The following NKAIN1 variants were observed in gnomAD, a reference collection of about 807,000 sequenced individuals.
NKAIN1 encodes sodium/potassium transporting ATPase interacting 1, also known as sodium/potassium-transporting ATPase subunit beta-1-interacting protein 1.
A neutral mutation model predicts 31.6 loss-of-function variants in NKAIN1; 13 were observed. The observed-to-expected ratio is 0.41, with a 90% CI of 0.27 to 0.65. NKAIN1 has a LOEUF of 0.65. Ranked by LOEUF, NKAIN1 falls within the 30% of genes least tolerant of loss-of-function variation. The pLI is 0.30. For missense variants in NKAIN1, 193 were observed against 262.2 expected (o/e 0.74, Z 1.82); for synonymous variants, 104 against 109.0 (o/e 0.95, Z 0.28).
intron 2 of NKAIN1, among the ~76,000 whole-genome samples, chr1:31,187,134 T>A (rs1183125525): frequency 6.6e-6 from 1 of 152,226 alleles, no homozygotes; most frequent in Non-Finnish European, 1.5e-5. Context: ...TTCTGGGAAC[T>A]GAGCCTGTGG....
At chr1:31,196,661 A>T (rs893951224) in intron 1 of NKAIN1, among the ~76,000 whole-genome samples, 7 of 151,986 alleles carry the variant, frequency 4.6e-5, no homozygotes, top group Non-Finnish European at 8.8e-5. Context: ...ACACCACTGC[A>T]CTCCAGCCTG....
At chr1:31,195,517 A>G (rs1570456188) in intron 1 of NKAIN1, among the ~76,000 whole-genome samples, 1 of 151,916 alleles carries the variant, frequency 6.6e-6, no homozygotes, top group South Asian at 2.1e-4. Context: ...CTGTCTTCTC[A>G]GGAGCCCACA....
intron 1 of NKAIN1, among the ~76,000 whole-genome samples, chr1:31,216,566 C>T (rs141314403): frequency 1.6e-3 from 241 of 152,274 alleles, no homozygotes; most frequent in African/African-American, 5.6e-3. Context: ...GGTCCCCTGG[C>T]TCATGTCCAT....
At chr1:31,189,924 A>G (rs1156534030) in intron 1 of NKAIN1, among the ~76,000 whole-genome samples, 7 of 152,190 alleles carry the variant, frequency 4.6e-5, no homozygotes, top group Non-Finnish European at 8.8e-5. Context: ...AGAAAGCCAT[A>G]GCTAAGGTAC....
rs559860134 is a variant in NKAIN1, at chr1:31,216,804, C to T, written c.54+22690G>A. On this transcript the variant is annotated intron_variant, in intron 1 of 6. Coordinates refer to ENST00000373736, the MANE Select transcript of NKAIN1 (RefSeq NM_024522.3). ...CACCTCCGGGGTTCAAGTGATTCTC[C>T]TGCCTCAGCCTCCCGAGTAGCTGGG... 5.9e-5 allele frequency among the ~76,000 whole-genome samples: 9 copies of T among 152,154 alleles called. No homozygotes were observed. In the East Asian group the frequency reaches 1.7e-3, roughly 29 times the overall value.
chr1:31,235,055 A>C (rs1426529478), intron 1 of NKAIN1, among the ~76,000 whole-genome samples: 1 of 152,224 alleles, frequency 6.6e-6, no homozygotes, highest in Non-Finnish European at 1.5e-5. Context: ...TGCACCAGGC[A>C]CTTTGCCAAG....
chr1:31,198,861 G>C (rs1238906779), intron 1 of NKAIN1, among the ~76,000 whole-genome samples: 1 of 152,114 alleles, frequency 6.6e-6, no homozygotes, highest in Non-Finnish European at 1.5e-5. Context: ...CCAACCCCAG[G>C]AGCCCACACA....
chr1:31,202,761 G>A (rs1415349168), intron 1 of NKAIN1, among the ~76,000 whole-genome samples: 5 of 145,642 alleles, frequency 3.4e-5, no homozygotes, highest in East Asian at 2.0e-4. Context: ...GGCGGATCAC[G>A]AGGTCAAGAG....
At chr1:31,211,112 G>A (rs1043950008) in intron 1 of NKAIN1, among the ~76,000 whole-genome samples, 1 of 152,162 alleles carries the variant, frequency 6.6e-6, no homozygotes, top group Non-Finnish European at 1.5e-5. Flanking sequence ...AGGGATGTCC[G>A]CTCTCATCAC....
chr1:31,202,674 T>TAAAAA (rs35561378), intron 1 of NKAIN1, among the ~76,000 whole-genome samples: 1 of 100,988 alleles, frequency 9.9e-6, no homozygotes, highest in Non-Finnish European at 1.9e-5. Context: ...AGACTCTGTA[T>TAAAAA]AAAAAAAAAA....
chr1:31,201,173 G>GCA (rs1274526276), intron 1 of NKAIN1, among the ~76,000 whole-genome samples: 8 of 152,122 alleles, frequency 5.3e-5, no homozygotes, highest in African/African-American at 1.9e-4. Flanking sequence ...GTCCTCTTGG[G>GCA]GATGACAGTC....
At chr1:31,184,069 A>AG in intron 3 of NKAIN1, 55 bp from the exon 4 acceptor site, 5 of 1,460,486 alleles carry the variant, frequency 3.4e-6, no homozygotes, top group Non-Finnish European at 4.7e-6. Flanking sequence ...GGGGGGAGCT[A>AG]CTCCCCCAGC....
intron 1 of NKAIN1, among the ~76,000 whole-genome samples, chr1:31,211,677 G>T (rs902082876): frequency 2.6e-5 from 4 of 151,512 alleles, no homozygotes; most frequent in East Asian, 1.9e-4. Flanking sequence ...GGCTGGGCAC[G>T]GTGGCTCATG....
intron 1 of NKAIN1, among the ~76,000 whole-genome samples, chr1:31,228,427 G>C (rs1645623853): frequency 6.6e-6 from 1 of 152,080 alleles, no homozygotes; most frequent in African/African-American, 2.4e-5. Flanking sequence ...TATGGGGTGG[G>C]AAGAAGTATG....
intron 1 of NKAIN1, among the ~76,000 whole-genome samples, chr1:31,226,312 C>CAAAA (rs10671984): frequency 6.9e-6 from 1 of 145,138 alleles, no homozygotes; most frequent in African/African-American, 2.5e-5. Context: ...AGAAATGCAG[C>CAAAA]AAAAAAAAAA....
At chr1:31,227,399 C>G (rs1645616398) in intron 1 of NKAIN1, among the ~76,000 whole-genome samples, 2 of 152,324 alleles carry the variant, frequency 1.3e-5, no homozygotes, top group Admixed American at 1.3e-4. Context: ...TTGCGCAGCT[C>G]TGCCACTGCT....
rs1569593509 is a variant in NKAIN1, at chr1:31,233,725, A to G, written c.54+5769T>C. 6.6e-6 allele frequency among the ~76,000 whole-genome samples: 1 copy of G among 152,342 alleles called. No homozygotes were observed. Among genetic ancestry groups the G allele is most frequent in the Non-Finnish European group, 1.5e-5 (1 of 68,030 alleles). On this transcript the variant is annotated intron_variant, in intron 1 of 6. Coordinates refer to ENST00000373736, the MANE Select transcript of NKAIN1 (RefSeq NM_024522.3). This position sits in a 1 kb window ranked among gnomAD's most constrained non-coding sequence, Gnocchi z 4.0. ...GGCTGACGTGACTTGTCCAAGTCTC[A>G]AGGCAAATCATAGCTAGCCCTGGAG...
chr1:31,190,749 G>C (rs980299338), intron 1 of NKAIN1, among the ~76,000 whole-genome samples: 12 of 152,122 alleles, frequency 7.9e-5, no homozygotes, highest in Non-Finnish European at 1.5e-4. Flanking sequence ...AACTCCCCAG[G>C]CTTGTCCAGG....
chr1:31,230,775 G>A (rs1645641454), intron 1 of NKAIN1, among the ~76,000 whole-genome samples: 3 of 152,030 alleles, frequency 2.0e-5, no homozygotes, highest in African/African-American at 7.2e-5. Context: ...GGGCACATGA[G>A]ATATTTTGAT....
Sources: allele counts gnomAD v4.1 joint callset (sites outside exome capture counted in the v4.1 genomes callset), GRCh38; gene constraint gnomAD v4.1.1; non-coding constraint Gnocchi (gnomAD v3.1); transcripts MANE v1.5; gene names NCBI Gene and HGNC (gene_info 2026-07-23, HGNC 2026-07-21).